The following RIN3 variants were observed in gnomAD, a reference collection of about 807,000 sequenced individuals.
The protein encoded by RIN3 is Ras and Rab interactor 3.
A neutral mutation model predicts 76.3 loss-of-function variants in RIN3; 54 were observed. The observed-to-expected ratio is 0.71, with a 90% CI of 0.57 to 0.89. The LOEUF (loss-of-function observed/expected upper bound fraction) is 0.89, where lower values mean the gene tolerates loss of function less well. Among genes scored for constraint, RIN3 ranks in the 40% least tolerant of loss-of-function variants. RIN3 has a pLI of 0.00. For synonymous variants in RIN3, 576 were observed against 564.0 expected (o/e 1.02, Z -0.30); for missense variants, 1,256 against 1,322.1 (o/e 0.95, Z 0.78).
In RIN3 at chr14:92,639,707, CCT is replaced by C. The variant is rs544551439; in HGVS notation, c.441-1530_441-1529del. Among the ~76,000 whole-genome samples, 42 of 152,338 alleles carry C rather than the reference CCT, an allele frequency of 2.8e-4. No homozygotes were observed. The Middle Eastern group carries it at 0.01, about 37-fold the overall frequency. ...GGCCACCCCTTTTCCTTTCCGGGCC[CCT>C]GTTTCCCCATTAGTCCGAACTCCTT... On this transcript the variant is annotated intron_variant, in intron 4 of 9. Transcript: ENST00000216487.
chr14:92,601,402 C>T (rs1479488458), intron 3 of RIN3, among the ~76,000 whole-genome samples: 3 of 152,210 alleles, frequency 2.0e-5, no homozygotes, highest in Non-Finnish European at 4.4e-5. Flanking sequence ...AGCTACTGAG[C>T]TTCTCTGGGT....
intron 1 of RIN3, among the ~76,000 whole-genome samples, chr14:92,539,670 T>C (rs1897088562): frequency 6.6e-6 from 1 of 152,082 alleles, no homozygotes. Flanking sequence ...ACAGGCAGGC[T>C]GAGTCAGTTT....
intron 7 of RIN3, among the ~76,000 whole-genome samples, chr14:92,662,238 G>A (rs1325156567): frequency 6.6e-6 from 1 of 151,298 alleles, no homozygotes; most frequent in Non-Finnish European, 1.5e-5. Flanking sequence ...CTCTGCAGCA[G>A]CAGGGGTCGG....
In RIN3 at chr14:92,659,348, G is replaced by A; in HGVS notation, c.2214G>A (p.Met738Ile). The change falls in exon 7 of 10, where the codon ATG becomes ATA. Residue 738 changes from methionine to isoleucine, a missense_variant. Transcript: ENST00000216487. ...GVTTSVPEVP[M>I]MEKILQKFTS... is the part of the protein sequence containing the mutation. ...CCACCAGCGTGCCGGAGGTGCCCAT[G>A]ATGGAGAAGATCCTGCAGAAGTTCA... 3.1e-6 allele frequency: 5 copies of A among 1,612,552 alleles called. No homozygotes were observed. Among genetic ancestry groups the A allele is most frequent in the Non-Finnish European group, 4.2e-6 (5 of 1,179,176 alleles).
At chr14:92,529,541 C>G (rs753887684) in intron 1 of RIN3, among the ~76,000 whole-genome samples, 1 of 150,852 alleles carries the variant, frequency 6.6e-6, no homozygotes, top group Admixed American at 6.6e-5. Flanking sequence ...AGCCACCGCA[C>G]CCAGCCCAGA....
intron 3 of RIN3, among the ~76,000 whole-genome samples, chr14:92,602,688 G>A (rs569590819): frequency 3.3e-5 from 5 of 152,274 alleles, no homozygotes; most frequent in East Asian, 3.9e-4. Context: ...CAGGAGGCTC[G>A]AATTTACGCA....
At chr14:92,565,249 A>G (rs55908963) in intron 2 of RIN3, among the ~76,000 whole-genome samples, 33,418 of 152,072 alleles carry the variant, frequency 0.22, 4,118 homozygotes, top group Middle Eastern at 0.28. Context: ...ATCCATGAAC[A>G]CTGACATCAG....
chr14:92,577,342 C>T lies in RIN3; in HGVS notation c.250-18C>T. The T allele has an allele frequency of 6.4e-7, 1 of 1,573,166 alleles. No homozygotes were observed. ...AAATCTTTAATTCACGGAGCTGCAT[C>T]CCCTTCTTTGGTTTCAGATGTTCCT... On this transcript the variant is annotated intron_variant, in intron 2 of 9. Coordinates refer to ENST00000216487, the MANE Select transcript of RIN3 (RefSeq NM_024832.5).
chr14:92,645,032 G>C (rs1268919759), intron 5 of RIN3: 1 of 152,246 alleles, frequency 6.6e-6, no homozygotes, highest in Non-Finnish European at 1.5e-5. Flanking sequence ...GAGACGGAGG[G>C]TTAGCTGGGC....
At position 92,544,983 on chromosome 14, in the gene RIN3, GT is replaced by G. The variant is rs1256916706; in HGVS notation, c.45-10767del. 9.2e-5 allele frequency among the ~76,000 whole-genome samples: 14 copies of G among 151,646 alleles called. 1 individual carries two copies. In the Middle Eastern group the frequency reaches 0.014, roughly 147 times the overall value. On this transcript the variant is annotated intron_variant, in intron 1 of 9. Coordinates refer to ENST00000216487, the MANE Select transcript of RIN3 (RefSeq NM_024832.5). ...ACAAACAGGTATAGAACTGTGGTGC[GT>G]GTTTTTTTATACTTTACATAAATGT... is the stretch of plus-strand genomic sequence containing the variant.
chr14:92,636,708 C>A (rs981052452), intron 4 of RIN3, among the ~76,000 whole-genome samples: 1 of 152,106 alleles, frequency 6.6e-6, no homozygotes, highest in Non-Finnish European at 1.5e-5. Context: ...GTAGAGAAAG[C>A]AAGCTGCAGA....
In RIN3 at chr14:92,688,338, A is replaced by G; in HGVS notation, c.*86A>G. 7.8e-7 allele frequency: 1 copy of G among 1,285,524 alleles called. No individual in the cohort carries two copies. Among genetic ancestry groups the G allele is most frequent in the Non-Finnish European group, 1.0e-6 (1 of 958,956 alleles). The allele number at this position is 1,285,524 out of a possible 1,614,324, so 79.6% of individuals were successfully genotyped here. On this transcript the variant is annotated 3_prime_UTR_variant, in exon 10 of 10. Coordinates refer to ENST00000216487, the MANE Select transcript of RIN3 (RefSeq NM_024832.5). Reference sequence around the variant, plus strand: ...GCACTCCCGACCGCGACGTCCACGCAGCAGAGGGACATGGGCCATTCCATG... The same window carrying G: ...GCACTCCCGACCGCGACGTCCACGCGGCAGAGGGACATGGGCCATTCCATG...
intron 1 of RIN3, among the ~76,000 whole-genome samples, chr14:92,538,184 G>T (rs1368864946): frequency 6.6e-6 from 1 of 151,798 alleles, no homozygotes; most frequent in East Asian, 1.9e-4. Flanking sequence ...TGGCCAGGCT[G>T]GTCTCAAACT....
Position 92,653,018 on chromosome 14 carries a change from C to T in RIN3, c.1969C>T (p.Gln657Ter), listed in dbSNP as rs755657542. ...MMTQLKSYLL[Q>*]STELKALVDP... ...GACCCAGCTCAAGAGCTACCTGCTG[C>T]AGAGCACCGAGCTCAAGGCCCTGGT... Residue 657 changes from glutamine to a stop codon, truncating the protein, a stop_gained, in exon 6 of 10, where the codon CAG becomes TAG. Coordinates refer to ENST00000216487, the MANE Select transcript of RIN3 (RefSeq NM_024832.5). LOFTEE classifies it high-confidence loss of function. The T allele has an allele frequency of 2.5e-6, 4 of 1,611,458 alleles. No individual in the cohort carries two copies. The highest frequency in any genetic ancestry group is 3.4e-6 in the Non-Finnish European group (4 of 1,180,006).
chr14:92,611,528 C>T (rs1027453783), intron 3 of RIN3, among the ~76,000 whole-genome samples: 2 of 152,200 alleles, frequency 1.3e-5, no homozygotes, highest in African/African-American at 2.4e-5. Flanking sequence ...GCTTGGATTA[C>T]ACGTGTGAGC....
At chr14:92,522,873 C>T (rs1896635974) in intron 1 of RIN3, among the ~76,000 whole-genome samples, 1 of 152,158 alleles carries the variant, frequency 6.6e-6, no homozygotes, top group Non-Finnish European at 1.5e-5. Flanking sequence ...GCTTGGAGAA[C>T]CCCTTAATGG....
At chr14:92,533,504 C>T (rs1035425654) in intron 1 of RIN3, among the ~76,000 whole-genome samples, 1 of 152,200 alleles carries the variant, frequency 6.6e-6, no homozygotes, top group African/African-American at 2.4e-5. Flanking sequence ...ATTGTGGTCT[C>T]TCTCTATATA....
chr14:92,628,366 G>C (rs1467725403), intron 4 of RIN3, among the ~76,000 whole-genome samples: 4 of 152,190 alleles, frequency 2.6e-5, no homozygotes, highest in Non-Finnish European at 4.4e-5. Flanking sequence ...GGAGGGCTTA[G>C]TACTAGACCT....
intron 4 of RIN3, 148 bp from the exon 5 acceptor site, chr14:92,641,090 T>C: frequency 1.6e-6 from 1 of 641,820 alleles, no homozygotes; most frequent in East Asian, 2.7e-5. Context: ...TCCTTCTGCC[T>C]CAGAGTCTGC....
Sources: gnomAD v4.1 joint callset for allele counts (sites outside exome capture counted in the v4.1 genomes callset) on GRCh38, gnomAD v4.1.1 for gene constraint, MANE v1.5 for transcripts, NCBI Gene and HGNC (gene_info 2026-07-23, HGNC 2026-07-21) for gene names.